The following FAM237A variants were observed in gnomAD, a reference collection of about 807,000 sequenced individuals.
The protein encoded by FAM237A is protein FAM237A.
FAM237A carries 14 observed loss-of-function variants against 12.5 expected under a neutral mutation model. The ratio of observed to expected loss-of-function variants is 1.12; its 90% CI spans 0.74 to 1.75. The LOEUF (loss-of-function observed/expected upper bound fraction) is 1.75, where lower values mean the gene tolerates loss of function less well. Ranked by LOEUF, FAM237A falls within the 40% of genes most tolerant of loss-of-function variation. The pLI, the probability that FAM237A is intolerant of heterozygous loss-of-function variation, is 0.00. For synonymous variants in FAM237A, 85 were observed against 77.5 expected, an observed-to-expected ratio of 1.10 and a Z score of -0.51; for missense variants, 240 against 211.7, an observed-to-expected ratio of 1.13 and a Z score of -0.83.
chr2:206,644,887 A>T (rs1439320003), intron 2 of FAM237A, among the ~76,000 whole-genome samples: 2 of 152,220 alleles, frequency 1.3e-5, no homozygotes, highest in Non-Finnish European at 2.9e-5. Context: ...AACAGCAGCA[A>T]GGAAGAGTCA....
rs779708379 is a variant in FAM237A at position 206,648,731 on chromosome 2, G to GC, written c.484dup (p.His162ProfsTer4). The GC allele has an allele frequency of 2.0e-5, 32 of 1,576,932 alleles. No individual in the cohort carries two copies. In the South Asian group the frequency reaches 3.1e-4, roughly 15 times the overall value. ...AGTTGATTGAAGATTTGATAAGCAT[G>GC]CATGTGCGTAGGAGTGGGTCTAGTG... On this transcript the variant is annotated frameshift_variant, in exon 3 of 3. Transcript: ENST00000441223. LOFTEE classifies it high-confidence loss of function.
chr2:206,644,513 G>A lies in FAM237A; in HGVS notation c.277G>A (p.Asp93Asn). 2 of 1,614,018 alleles carry A rather than the reference G, an allele frequency of 1.2e-6. No individual in the cohort carries two copies. The highest frequency in any genetic ancestry group is 1.7e-6 in the Non-Finnish European group (2 of 1,179,890). ...ENLKHGALFW[D>N]LAQLFWDIYV... ...CTTGAAGCATGGAGCACTGTTTTGG[G>A]ATCTGGCCCAACTCTTCTGGGACAT... The change falls in exon 2 of 3, where the codon GAT becomes AAT. Residue 93 changes from aspartate (D) to asparagine (N), a missense_variant. Asp to Asn is a conservative substitution (Grantham distance 23, BLOSUM62 1). Coordinates refer to ENST00000441223, the MANE Select transcript of FAM237A (RefSeq NM_001102659.3).
At chr2:206,646,369 C>T (rs1233661709) in intron 2 of FAM237A, among the ~76,000 whole-genome samples, 7 of 151,754 alleles carry the variant, frequency 4.6e-5, no homozygotes, top group Non-Finnish European at 7.4e-5. Context: ...TTCTATCTTG[C>T]ACTTACTTTG....
chr2:206,646,244 A>G (rs981430784), intron 2 of FAM237A, among the ~76,000 whole-genome samples: 10 of 151,930 alleles, frequency 6.6e-5, no homozygotes, highest in African/African-American at 2.4e-5. Context: ...CGGAGCTTGC[A>G]GTGAGCCGAG....
chr2:206,642,841 A>C lies in FAM237A; in HGVS notation c.-11+259A>C, dbSNP rs577790324. Among the ~76,000 whole-genome samples the C allele has an allele frequency of 1.3e-5, 2 of 152,378 alleles. No homozygotes were observed. Among genetic ancestry groups the C allele is most frequent in the South Asian group, 2.1e-4 (1 of 4,826 alleles). ...GGGAGTCCCGGATAACGCCAACTTC[A>C]GTACCTTGGACAGAGTCCTGCCCTC... On this transcript the variant is annotated intron_variant, in intron 1 of 2. Coordinates refer to ENST00000441223, the MANE Select transcript of FAM237A (RefSeq NM_001102659.3). The surrounding 1 kb of genome is among the most constrained non-coding windows in gnomAD (Gnocchi z 5.1).
intron 2 of FAM237A, among the ~76,000 whole-genome samples, chr2:206,648,395 A>G (rs993163771): frequency 6.6e-6 from 1 of 152,176 alleles, no homozygotes; most frequent in Non-Finnish European, 1.5e-5. Context: ...TCACTTTAAA[A>G]TCAGGCAAAT....
chr2:206,644,312 T>G lies in FAM237A; in HGVS notation c.76T>G (p.Cys26Gly). 6.2e-7 allele frequency: 1 copy of G among 1,613,540 alleles called. No individual in the cohort carries two copies. Among genetic ancestry groups the G allele is most frequent in the Non-Finnish European group, 8.5e-7 (1 of 1,179,674 alleles). ...FTCSLLIVGM[C>G]CVSPFFCHSQ... is the part of the protein sequence containing the mutation. ...CTGCTCCCTGCTCATTGTGGGAATGTGCTGTGTATCTCCTTTCTTCTGCCA... is the reference window on the plus strand; with the variant it reads ...CTGCTCCCTGCTCATTGTGGGAATGGGCTGTGTATCTCCTTTCTTCTGCCA... The change falls in exon 2 of 3, where the codon TGC becomes GGC. Residue 26 changes from cysteine to glycine, a missense_variant. Cys to Gly is a radical substitution (Grantham distance 159). Transcript: ENST00000441223.
chr2:206,645,941 A>G (rs10173585), intron 2 of FAM237A, among the ~76,000 whole-genome samples: 1,915 of 151,482 alleles, frequency 0.013, 40 homozygotes, highest in African/African-American at 0.043. Context: ...GCACCAGTAC[A>G]GACCATGGTT....
chr2:206,643,137 A>G (rs1474378151), intron 1 of FAM237A, among the ~76,000 whole-genome samples: 9 of 152,170 alleles, frequency 5.9e-5, no homozygotes, highest in Admixed American at 5.9e-4. Flanking sequence ...AGATTATCCA[A>G]CTTATGGTGT....
rs377698393 is a variant in FAM237A, at chr2:206,648,644, C to T, written c.413-17C>T. 9.0e-5 allele frequency: 142 copies of T among 1,573,554 alleles called. No homozygotes were observed. Among genetic ancestry groups the T allele is most frequent in the Middle Eastern group, 1.7e-4 (1 of 5,974 alleles). ...CTAATTTGGTGATCTTATGAAGTTC[C>T]GCTTTTCTACTTTCAGGTACATATT... is the stretch of plus-strand genomic sequence containing the variant. On this transcript the variant is annotated splice_polypyrimidine_tract_variant and intron_variant, in intron 2 of 2. Coordinates refer to ENST00000441223, the MANE Select transcript of FAM237A (RefSeq NM_001102659.3).
intron 2 of FAM237A, among the ~76,000 whole-genome samples, chr2:206,645,891 T>C (rs1278406337): frequency 6.6e-6 from 1 of 152,146 alleles, no homozygotes; most frequent in Non-Finnish European, 1.5e-5. Flanking sequence ...TGGTTACCCA[T>C]ATTTTTAAAA....
At chr2:206,644,836 G>T (rs965035806) in intron 2 of FAM237A, among the ~76,000 whole-genome samples, 188 bp downstream of exon 2, 1 of 152,202 alleles carries the variant, frequency 6.6e-6, no homozygotes, top group Non-Finnish European at 1.5e-5. Flanking sequence ...CATAGTAGCT[G>T]TTTATATCAA....
At chr2:206,646,735 A>T (rs13007255) in intron 2 of FAM237A, among the ~76,000 whole-genome samples, 14,590 of 152,316 alleles carry the variant, frequency 0.096, 879 homozygotes, top group Non-Finnish European at 0.13. Context: ...CCAACAGTTA[A>T]ATAGTTACAG....
chr2:206,645,299 T>A (rs953950409), intron 2 of FAM237A, among the ~76,000 whole-genome samples: 1 of 152,210 alleles, frequency 6.6e-6, no homozygotes, highest in Non-Finnish European at 1.5e-5. Context: ...GAGTTTTTCA[T>A]TGAAGTAAAT....
chr2:206,647,048 T>C (rs1045232866), intron 2 of FAM237A, among the ~76,000 whole-genome samples: 107 of 152,336 alleles, frequency 7.0e-4, no homozygotes, highest in African/African-American at 2.5e-3. Context: ...AATCTTACTA[T>C]GAATCATACT....
rs781653737 is a variant in FAM237A at position 206,648,643 on chromosome 2, C to A, written c.413-18C>A. ...ACTAATTTGGTGATCTTATGAAGTTCCGCTTTTCTACTTTCAGGTACATAT... is the reference window on the plus strand; with the variant it reads ...ACTAATTTGGTGATCTTATGAAGTTACGCTTTTCTACTTTCAGGTACATAT... On this transcript the variant is annotated intron_variant, in intron 2 of 2. Transcript: ENST00000441223. 2 of 1,574,286 alleles carry A rather than the reference C, an allele frequency of 1.3e-6. No individual in the cohort carries two copies. The highest frequency in any genetic ancestry group is 8.6e-7 in the Non-Finnish European group (1 of 1,162,328).
Position 206,644,500 on chromosome 2 carries a change from A to G in FAM237A, c.264A>G (p.Gly88=), listed in dbSNP as rs932491038. The G allele has an allele frequency of 3.1e-6, 5 of 1,613,880 alleles. No homozygotes were observed. The highest frequency in any genetic ancestry group is 4.2e-6 in the Non-Finnish European group (5 of 1,179,886). Residue 88 remains glycine (G), a synonymous_variant, in exon 2 of 3, where the codon GGA becomes GGG. Coordinates refer to ENST00000441223, the MANE Select transcript of FAM237A (RefSeq NM_001102659.3). Reference sequence around the variant, plus strand: ...AGTCATCTGAGAACTTGAAGCATGGAGCACTGTTTTGGGATCTGGCCCAAC... The same window carrying G: ...AGTCATCTGAGAACTTGAAGCATGGGGCACTGTTTTGGGATCTGGCCCAAC... The part of the protein sequence containing the change: ...YLKSSENLKH[G]ALFWDLAQLF...
At chr2:206,644,106 C>T in intron 1 of FAM237A, 121 bp from the exon 2 acceptor site, 3 of 954,022 alleles carry the variant, frequency 3.1e-6, no homozygotes, top group Non-Finnish European at 4.5e-6. Flanking sequence ...CTAAGATTTC[C>T]CTACTTTGTG....
intron 2 of FAM237A, among the ~76,000 whole-genome samples, chr2:206,646,224 A>ACCCGGGAGGCGGAGCTTGCAGTGAG (rs556180139): frequency 0.015 from 2,215 of 151,768 alleles, 22 homozygotes; most frequent in Non-Finnish European, 0.023. Context: ...AATGGCGTGA[A>ACCCGGGAGGCGGAGCTTGCAGTGAG]CCCGGGAGGC....
Sources: allele counts gnomAD v4.1 joint callset (sites outside exome capture counted in the v4.1 genomes callset), GRCh38; gene constraint gnomAD v4.1.1; non-coding constraint Gnocchi (gnomAD v3.1); transcripts MANE v1.5; gene names NCBI Gene and HGNC (gene_info 2026-07-23, HGNC 2026-07-21).